Variants in DIAPH2 observed in about 807,000 individuals in gnomAD.
The protein encoded by DIAPH2 is protein diaphanous homolog 2.
DIAPH2 carries 35 observed loss-of-function variants against 92.7 expected under a neutral mutation model. The ratio of observed to expected loss-of-function variants is 0.38; its 90% confidence interval spans 0.29 to 0.50. The LOEUF (loss-of-function observed/expected upper bound fraction) is 0.50, where lower values mean the gene tolerates loss of function less well. Ranked by LOEUF, DIAPH2 falls within the 20% of genes least tolerant of loss-of-function variation. DIAPH2 has a pLI of 0.94. For missense variants in DIAPH2, 701 were observed against 819.5 expected (o/e 0.86, Z 1.77); for synonymous variants, 301 against 280.4 (o/e 1.07, Z -0.73).
At chrX:97,423,263 T>G (rs995519552) in intron 25 of DIAPH2, among the ~76,000 whole-genome samples, 11 of 111,682 alleles carry the variant, frequency 9.8e-5, no homozygotes, top group African/African-American at 3.3e-4. Context: ...GGTTGTTTTC[T>G]GTAAAAACAT....
intron 25 of DIAPH2, among the ~76,000 whole-genome samples, chrX:97,419,258 C>G (rs1390649255): frequency 9.0e-6 from 1 of 111,604 alleles, no homozygotes; most frequent in African/African-American, 3.3e-5. Flanking sequence ...AGTATATGCT[C>G]TAGAGCAGGG....
chrX:96,782,072 C>A lies in DIAPH2; in HGVS notation c.447+23814C>A, dbSNP rs930811065. On this transcript the variant is annotated intron_variant, in intron 4 of 26. Coordinates refer to ENST00000324765, the MANE Select transcript of DIAPH2 (RefSeq NM_006729.5). ...ATACTAGTATTTAATACTATATAAACCTCACTGTTTATTCTAAATATTTTA... is the reference window on the plus strand; with the variant it reads ...ATACTAGTATTTAATACTATATAAAACTCACTGTTTATTCTAAATATTTTA... 3.6e-5 allele frequency among the ~76,000 whole-genome samples: 4 copies of A among 111,522 alleles called. No homozygotes were observed. The Admixed American group carries it at 3.8e-4, about 11-fold the overall frequency.
chrX:97,227,398 A>T (rs1355669139), intron 22 of DIAPH2, among the ~76,000 whole-genome samples: 2 of 112,409 alleles, frequency 1.8e-5, no homozygotes, highest in Non-Finnish European at 3.7e-5. Context: ...TTAGCTGATT[A>T]GTGATTAAAC....
chrX:97,045,140 C>T (rs1183372614), intron 17 of DIAPH2, among the ~76,000 whole-genome samples: 1 of 111,906 alleles, frequency 8.9e-6, no homozygotes, highest in Admixed American at 9.5e-5. Context: ...ACCAATAATA[C>T]TTGCTGATGA....
At chrX:97,589,188 G>A (rs1197391656) in intron 26 of DIAPH2, among the ~76,000 whole-genome samples, 1 of 98,740 alleles carries the variant, frequency 1.0e-5, no homozygotes, top group Non-Finnish European at 2.0e-5. Flanking sequence ...ATGATGACGG[G>A]TGCCTGTAAT....
At chrX:96,797,943 A>G (rs1341870044) in intron 4 of DIAPH2, among the ~76,000 whole-genome samples, 2 of 112,522 alleles carry the variant, frequency 1.8e-5, no homozygotes, top group Admixed American at 9.4e-5. Flanking sequence ...CTGTATCTGC[A>G]TCTGTGGGGT....
At chrX:97,466,909 C>T (rs1030412611) in intron 26 of DIAPH2, among the ~76,000 whole-genome samples, 1 of 112,000 alleles carries the variant, frequency 8.9e-6, no homozygotes, top group Non-Finnish European at 1.9e-5. Flanking sequence ...ATATGTATTG[C>T]TGACAAATTC....
chrX:96,870,981 T>C (rs186890465), intron 4 of DIAPH2, among the ~76,000 whole-genome samples: 14 of 112,019 alleles, frequency 1.2e-4, no homozygotes, highest in Admixed American at 1.0e-3. Context: ...GAAACCATTT[T>C]ATTTAAATAC....
rs2071595689 is a variant in DIAPH2, at chrX:97,601,467, GTCTT to G, written c.*2153_*2156del. ...ACATTAAAAAAAAAAACCTTTCAGG[GTCTT>G]TCATGAAGTTCCAATAGTTGAGTGA... On this transcript the variant is annotated 3_prime_UTR_variant, in exon 27 of 27. Transcript: ENST00000324765. 9.0e-6 allele frequency: 1 copy of G among 110,930 alleles called. No individual in the cohort carries two copies. The highest frequency in any genetic ancestry group is 1.9e-5 in the Non-Finnish European group (1 of 52,796). 9.1% of individuals were successfully genotyped at this position (110,930 alleles called of 1,213,427 possible).
intron 1 of DIAPH2, among the ~76,000 whole-genome samples, chrX:96,711,939 C>G (rs2063920938): frequency 9.0e-6 from 1 of 111,291 alleles, no homozygotes; most frequent in African/African-American, 3.3e-5. Context: ...TTAAAAACCC[C>G]TGAACTTCTA....
intron 26 of DIAPH2, among the ~76,000 whole-genome samples, chrX:97,433,540 A>G (rs955902718): frequency 3.6e-4 from 40 of 111,412 alleles, no homozygotes; most frequent in Non-Finnish European, 1.7e-4. Flanking sequence ...AGAAAATATT[A>G]ACTGGTGTAT....
At chrX:97,400,852 T>G (rs948545929) in intron 25 of DIAPH2, among the ~76,000 whole-genome samples, 1 of 111,261 alleles carries the variant, frequency 9.0e-6, no homozygotes, top group South Asian at 3.8e-4. Context: ...GGATCATTAT[T>G]TTTATTCAGT....
chrX:96,721,614 C>T (rs994869942), intron 1 of DIAPH2, among the ~76,000 whole-genome samples: 6 of 111,996 alleles, frequency 5.4e-5, no homozygotes, highest in Admixed American at 3.8e-4. Flanking sequence ...TCTAACATGT[C>T]AGGTCAAACA....
intron 25 of DIAPH2, among the ~76,000 whole-genome samples, chrX:97,418,991 C>T (rs771112864): frequency 4.8e-4 from 54 of 111,539 alleles, no homozygotes; most frequent in Non-Finnish European, 9.2e-4. Context: ...CTCCTTCCAC[C>T]TGTGATGAGG....
At chrX:96,825,889 A>G (rs1404551780) in intron 4 of DIAPH2, among the ~76,000 whole-genome samples, 2 of 111,120 alleles carry the variant, frequency 1.8e-5, no homozygotes, top group Non-Finnish European at 3.8e-5. Context: ...TCTTCTCTAC[A>G]TCCTATCTCT....
chrX:97,492,269 A>G (rs1358011373), intron 26 of DIAPH2, among the ~76,000 whole-genome samples: 2 of 110,813 alleles, frequency 1.8e-5, no homozygotes, highest in African/African-American at 6.6e-5. Flanking sequence ...CCCTGTCTCT[A>G]TTAAAAATGC....
At chrX:96,712,003 T>C (rs2063921430) in intron 1 of DIAPH2, among the ~76,000 whole-genome samples, 1 of 111,685 alleles carries the variant, frequency 9.0e-6, no homozygotes, top group African/African-American at 3.2e-5. Context: ...ATATTGAATT[T>C]TTAGAATATT....
intron 17 of DIAPH2, among the ~76,000 whole-genome samples, chrX:97,058,304 A>T (rs1484511687): frequency 9.0e-6 from 1 of 111,141 alleles, no homozygotes. Context: ...TCTCCTTCAC[A>T]CTATATAGTT....
At chrX:96,815,648 G>A (rs745614199) in intron 4 of DIAPH2, among the ~76,000 whole-genome samples, 4 of 111,111 alleles carry the variant, frequency 3.6e-5, no homozygotes, top group African/African-American at 6.5e-5. Context: ...GTTCCTATTC[G>A]GCCATCTTGG....
Sources: gnomAD v4.1 joint callset for allele counts (sites outside exome capture counted in the v4.1 genomes callset) on GRCh38, gnomAD v4.1.1 for gene constraint, MANE v1.5 for transcripts, NCBI Gene and HGNC (gene_info 2026-07-23, HGNC 2026-07-21) for gene names.